CTNNA2: variants seen among roughly 807,000 people sequenced by gnomAD.
CTNNA2 encodes the protein catenin alpha-2.
A neutral mutation model predicts 101.0 loss-of-function variants in CTNNA2; 42 were observed. The ratio of observed to expected loss-of-function variants is 0.42; its 90% confidence interval spans 0.32 to 0.54. The LOEUF (loss-of-function observed/expected upper bound fraction) is 0.54, where lower values mean the gene tolerates loss of function less well. Among genes scored for constraint, CTNNA2 ranks in the 20% least tolerant of loss-of-function variants. CTNNA2 has a pLI of 0.14. For missense variants in CTNNA2, 871 were observed against 1,223.1 expected, an observed-to-expected ratio of 0.71 and a Z score of 4.29; for synonymous variants, 450 against 456.4, an observed-to-expected ratio of 0.99 and a Z score of 0.18.
chr2:79,971,614 A>G (rs1252178316), intron 7 of CTNNA2, among the ~76,000 whole-genome samples: 1 of 152,176 alleles, frequency 6.6e-6, no homozygotes, highest in Non-Finnish European at 1.5e-5. Flanking sequence ...ATTGTCTTAC[A>G]TCACAAAAAT....
chr2:79,522,384 AAGACACAG>A (rs1227588956), intron 1 of CTNNA2, among the ~76,000 whole-genome samples: 1 of 152,190 alleles, frequency 6.6e-6, no homozygotes, highest in Non-Finnish European at 1.5e-5. Flanking sequence ...ATACGTGAGT[AAGACACAG>A]TGCCTTGTCT....
At chr2:80,258,186 A>G (rs1290930694) in intron 7 of CTNNA2, among the ~76,000 whole-genome samples, 2 of 152,198 alleles carry the variant, frequency 1.3e-5, no homozygotes, top group Admixed American at 6.5e-5. Context: ...ATTGTTCTTT[A>G]TGTCAGCTCT....
intron 7 of CTNNA2, among the ~76,000 whole-genome samples, chr2:80,382,275 A>C (rs532118390): frequency 6.6e-6 from 1 of 152,282 alleles, no homozygotes; most frequent in South Asian, 2.1e-4. Context: ...ATTCTGTGTA[A>C]GGCACTGTGC....
chr2:79,359,597 C>T (rs182378256), intron 3 of CTNNA2, among the ~76,000 whole-genome samples: 1 of 152,060 alleles, frequency 6.6e-6, no homozygotes, highest in African/African-American at 2.4e-5. Flanking sequence ...ATGGGAAGCC[C>T]CTGGAGAGAA....
chr2:79,585,384 G>A (rs1676417351), intron 1 of CTNNA2, among the ~76,000 whole-genome samples: 1 of 151,898 alleles, frequency 6.6e-6, no homozygotes. Context: ...CCAAGACAAT[G>A]TTAAATAAGT....
chr2:80,587,458 C>A (rs1329977995), intron 14 of CTNNA2, among the ~76,000 whole-genome samples: 1 of 152,064 alleles, frequency 6.6e-6, no homozygotes, highest in Non-Finnish European at 1.5e-5. Flanking sequence ...TTTGAAAAAA[C>A]ACATATTATT....
At chr2:80,089,834 G>T (rs2148818268) in intron 7 of CTNNA2, among the ~76,000 whole-genome samples, 1 of 152,058 alleles carries the variant, frequency 6.6e-6, no homozygotes, top group South Asian at 2.1e-4. Flanking sequence ...TTTACCAAAT[G>T]AACAAAGAAA....
chr2:79,247,051 C>T (rs1325321607), intron 2 of CTNNA2, among the ~76,000 whole-genome samples: 1 of 152,112 alleles, frequency 6.6e-6, no homozygotes, highest in Non-Finnish European at 1.5e-5. Flanking sequence ...AACCGGCAGG[C>T]GTGGCATAGA....
chr2:80,560,073 G>GAA (rs1693441964), intron 12 of CTNNA2, among the ~76,000 whole-genome samples: 1 of 122,698 alleles, frequency 8.2e-6, no homozygotes, highest in Non-Finnish European at 1.8e-5. Flanking sequence ...AAAAAAAAAA[G>GAA]AAAAAAGCAT....
chr2:79,957,017 T>C (rs993410817), intron 7 of CTNNA2, among the ~76,000 whole-genome samples: 1 of 152,090 alleles, frequency 6.6e-6, no homozygotes, highest in African/African-American at 2.4e-5. Flanking sequence ...TGATTACTAA[T>C]GTGAATTCCT....
chr2:80,019,013 T>C (rs1694360402), intron 7 of CTNNA2, among the ~76,000 whole-genome samples: 1 of 152,206 alleles, frequency 6.6e-6, no homozygotes, highest in Admixed American at 6.5e-5. Context: ...AGACTTATTA[T>C]CTTGTCATTA....
chr2:79,651,794 C>A, intron 2 of CTNNA2, 136 bp downstream of exon 2: 1 of 718,042 alleles, frequency 1.4e-6, no homozygotes, highest in African/African-American at 1.8e-5. Context: ...TATATTACTG[C>A]CTGAACTATG....
At chr2:79,608,906 G>A (rs1199598655) in intron 1 of CTNNA2, among the ~76,000 whole-genome samples, 1 of 151,914 alleles carries the variant, frequency 6.6e-6, no homozygotes, top group African/African-American at 2.4e-5. Flanking sequence ...GACTTAGCCA[G>A]TATAATTAGG....
At chr2:79,278,475 G>A (rs952812762) in intron 2 of CTNNA2, among the ~76,000 whole-genome samples, 4 of 151,874 alleles carry the variant, frequency 2.6e-5, no homozygotes, top group African/African-American at 9.7e-5. Context: ...GCAAGAGAGA[G>A]GGCCTACATG....
chr2:79,332,847 G>A (rs1196373415), intron 3 of CTNNA2, among the ~76,000 whole-genome samples: 1 of 152,084 alleles, frequency 6.6e-6, no homozygotes, highest in Non-Finnish European at 1.5e-5. Flanking sequence ...CTGATGTGTA[G>A]CACTCAAAAG....
At chr2:80,432,319 A>T (rs71426616) in intron 9 of CTNNA2, among the ~76,000 whole-genome samples, 19,379 of 152,224 alleles carry the variant, frequency 0.13, 1,356 homozygotes, top group Middle Eastern at 0.23. Flanking sequence ...TCATATGTAA[A>T]ATACAACATG....
intron 7 of CTNNA2, among the ~76,000 whole-genome samples, chr2:80,195,945 T>G (rs1706804785): frequency 6.6e-6 from 1 of 152,142 alleles, no homozygotes; most frequent in Non-Finnish European, 1.5e-5. Context: ...GGTCCACATC[T>G]TTTAATAGCC....
At chr2:79,343,029 T>A (rs1677172081) in intron 3 of CTNNA2, among the ~76,000 whole-genome samples, 1 of 152,224 alleles carries the variant, frequency 6.6e-6, no homozygotes, top group Non-Finnish European at 1.5e-5. Flanking sequence ...GATCTGATTA[T>A]GTCTAGGAAT....
At chr2:79,193,979 T>C (rs190811066) in intron 1 of CTNNA2, among the ~76,000 whole-genome samples, 2 of 152,352 alleles carry the variant, frequency 1.3e-5, no homozygotes, top group East Asian at 3.9e-4. Flanking sequence ...GATAACTTCA[T>C]GGGAAATATT....
Sources: gnomAD v4.1 joint callset for allele counts (sites outside exome capture counted in the v4.1 genomes callset) on GRCh38, gnomAD v4.1.1 for gene constraint, MANE v1.5 for transcripts, NCBI Gene and HGNC (gene_info 2026-07-23, HGNC 2026-07-21) for gene names.